CHSY3: variants seen among roughly 807,000 people sequenced by gnomAD.
CHSY3 encodes chondroitin sulfate synthase 3.
In CHSY3, 35 loss-of-function variants were observed where a neutral mutation model predicts 67.2. The observed-to-expected ratio is 0.52, with a 90% CI of 0.40 to 0.69. The LOEUF (loss-of-function observed/expected upper bound fraction) is 0.69, where lower values mean the gene tolerates loss of function less well. CHSY3 is among the 30% of genes least tolerant of loss of function. CHSY3 has a pLI of 0.00. For missense variants in CHSY3, 1,069 were observed against 1,138.5 expected (o/e 0.94, Z 0.88); for synonymous variants, 474 against 434.7 (o/e 1.09, Z -1.12).
At chr5:129,918,893 G>T (rs1020333810) in intron 2 of CHSY3, among the ~76,000 whole-genome samples, 4 of 148,512 alleles carry the variant, frequency 2.7e-5, no homozygotes, top group African/African-American at 9.9e-5. Flanking sequence ...GGATCATGAG[G>T]TCAGGAGATC....
chr5:130,084,561 T>A (rs1200789400), intron 2 of CHSY3, among the ~76,000 whole-genome samples: 1 of 151,854 alleles, frequency 6.6e-6, no homozygotes, highest in East Asian at 1.9e-4. Flanking sequence ...TAGGGAGACA[T>A]AAGACATCAA....
intron 2 of CHSY3, among the ~76,000 whole-genome samples, chr5:130,040,325 G>A (rs149186184): frequency 1.6e-3 from 249 of 152,190 alleles, no homozygotes; most frequent in African/African-American, 5.5e-3. Context: ...TCTTTGTCCA[G>A]CCGTGAGCTT....
At position 130,161,244 on chromosome 5, in the gene CHSY3, C is replaced by A. The variant is rs150613179; in HGVS notation, c.1087-22985C>A. ...TAATAGCACTTGTTGAATGATTAAT[C>A]CTTTGACCACTTATTAGAAATGTTA... On this transcript the variant is annotated intron_variant, in intron 2 of 2. Transcript: ENST00000305031. Among the ~76,000 whole-genome samples, 301 of 152,182 alleles carry A rather than the reference C, an allele frequency of 2.0e-3. 2 individuals carry two copies. Among genetic ancestry groups the A allele is most frequent in the Middle Eastern group, 6.8e-3 (2 of 294 alleles).
At chr5:130,175,324 G>A (rs1732986734) in intron 2 of CHSY3, among the ~76,000 whole-genome samples, 1 of 152,128 alleles carries the variant, frequency 6.6e-6, no homozygotes, top group Non-Finnish European at 1.5e-5. Context: ...TCTTCAAGGA[G>A]AACTACAAAC....
At chr5:130,001,440 A>G (rs1763724367) in intron 2 of CHSY3, 1 of 855,550 alleles carries the variant, frequency 1.2e-6, no homozygotes, top group African/African-American at 1.8e-5. Context: ...TGATGAAGGT[A>G]TCACCATGGA....
intron 2 of CHSY3, among the ~76,000 whole-genome samples, chr5:129,912,702 C>T (rs962191105): frequency 7.2e-5 from 11 of 152,132 alleles, no homozygotes; most frequent in Admixed American, 5.2e-4. Context: ...TGGATGTGCA[C>T]CCAGACCACA....
At chr5:130,061,731 C>A (rs754116278) in intron 2 of CHSY3, among the ~76,000 whole-genome samples, 2 of 151,906 alleles carry the variant, frequency 1.3e-5, no homozygotes, top group African/African-American at 2.4e-5. Context: ...CCACTGAAAG[C>A]TGGGCAAAGG....
intron 2 of CHSY3, among the ~76,000 whole-genome samples, chr5:129,959,524 T>A (rs539880014): frequency 4.5e-4 from 68 of 152,268 alleles, no homozygotes; most frequent in African/African-American, 1.6e-3. Flanking sequence ...TTAATTTGCA[T>A]GTAAAACTAT....
At chr5:130,116,809 G>C (rs1048349294) in intron 2 of CHSY3, among the ~76,000 whole-genome samples, 1 of 151,948 alleles carries the variant, frequency 6.6e-6, no homozygotes, top group Non-Finnish European at 1.5e-5. Flanking sequence ...AGTGTAGTAA[G>C]AGACTTGACA....
intron 2 of CHSY3, among the ~76,000 whole-genome samples, chr5:129,983,253 C>A (rs952482233): frequency 1.3e-5 from 2 of 152,054 alleles, no homozygotes; most frequent in Non-Finnish European, 1.5e-5. Flanking sequence ...TAAATCTCTA[C>A]ACTTTCAGTG....
chr5:130,183,957 C>T (rs1770329824), intron 2 of CHSY3, among the ~76,000 whole-genome samples: 1 of 151,764 alleles, frequency 6.6e-6, no homozygotes, highest in Non-Finnish European at 1.5e-5. Context: ...GCTAGATTTA[C>T]TCATCCCACT....
chr5:130,028,157 A>T (rs920191294), intron 2 of CHSY3, among the ~76,000 whole-genome samples: 9 of 152,138 alleles, frequency 5.9e-5, no homozygotes, highest in Admixed American at 5.9e-4. Context: ...CAGAATTGGA[A>T]AAAACTACTT....
chr5:130,134,154 C>T (rs1164118681), intron 2 of CHSY3, among the ~76,000 whole-genome samples: 1 of 152,096 alleles, frequency 6.6e-6, no homozygotes, highest in Non-Finnish European at 1.5e-5. Flanking sequence ...TTGTAAATGG[C>T]AGATTTGGAT....
chr5:130,012,591 C>A (rs926060376), intron 2 of CHSY3, among the ~76,000 whole-genome samples: 2 of 152,102 alleles, frequency 1.3e-5, no homozygotes, highest in African/African-American at 4.8e-5. Context: ...AGAATGAGTG[C>A]CAGCTGGGGA....
At chr5:129,961,120 A>C (rs1321542925) in intron 2 of CHSY3, among the ~76,000 whole-genome samples, 1 of 152,092 alleles carries the variant, frequency 6.6e-6, no homozygotes, top group Non-Finnish European at 1.5e-5. Context: ...TGGAAATTAC[A>C]GCTAATGCAT....
At chr5:129,942,097 G>A (rs1761717271) in intron 2 of CHSY3, among the ~76,000 whole-genome samples, 1 of 152,056 alleles carries the variant, frequency 6.6e-6, no homozygotes, top group South Asian at 2.1e-4. Context: ...CAGGACTCTG[G>A]GGAGGATCAT....
At chr5:130,123,606 G>T (rs1487926584) in intron 2 of CHSY3, among the ~76,000 whole-genome samples, 1 of 152,152 alleles carries the variant, frequency 6.6e-6, no homozygotes, top group Non-Finnish European at 1.5e-5. Context: ...CCAGTCTGTG[G>T]CCTGGGGTTT....
At chr5:130,020,461 A>AT (rs1196155924) in intron 2 of CHSY3, among the ~76,000 whole-genome samples, 77 of 79,852 alleles carry the variant, frequency 9.6e-4, no homozygotes, top group South Asian at 1.3e-3. Context: ...ATATATATAT[A>AT]TTTTTTTTTT....
At chr5:130,089,018 T>C (rs915218512) in intron 2 of CHSY3, among the ~76,000 whole-genome samples, 3 of 151,978 alleles carry the variant, frequency 2.0e-5, no homozygotes, top group African/African-American at 7.3e-5. Flanking sequence ...GTGGCACATA[T>C]ACACCATGGA....
Sources: allele counts gnomAD v4.1 joint callset (sites outside exome capture counted in the v4.1 genomes callset), GRCh38; gene constraint gnomAD v4.1.1; transcripts MANE v1.5; gene names NCBI Gene and HGNC (gene_info 2026-07-23, HGNC 2026-07-21).